CNTN5: variants seen among roughly 807,000 people sequenced by gnomAD.
The protein encoded by CNTN5 is contactin 5.
CNTN5 carries 77 observed loss-of-function variants against 129.1 expected under a neutral mutation model. The observed-to-expected ratio is 0.60, with a 90% CI of 0.50 to 0.72. The LOEUF (loss-of-function observed/expected upper bound fraction) is 0.72, where lower values mean the gene tolerates loss of function less well. Among genes scored for constraint, CNTN5 ranks in the 30% least tolerant of loss-of-function variants. The pLI is 0.00. For missense variants in CNTN5, 1,478 were observed against 1,328.8 expected, an observed-to-expected ratio of 1.11 and a Z score of -1.75; for synonymous variants, 509 against 465.6, an observed-to-expected ratio of 1.09 and a Z score of -1.20.
chr11:99,911,766 C>T (rs1472464885), intron 6 of CNTN5, among the ~76,000 whole-genome samples: 6 of 151,050 alleles, frequency 4.0e-5, no homozygotes, highest in African/African-American at 1.5e-4. Context: ...AAATAACTTT[C>T]TGAGTAGTTT....
intron 3 of CNTN5, among the ~76,000 whole-genome samples, chr11:99,640,539 G>A (rs979369630): frequency 2.6e-5 from 4 of 152,118 alleles, no homozygotes; most frequent in African/African-American, 9.7e-5. Context: ...TGGGAATTCT[G>A]GGAGATAAAA....
At chr11:99,755,353 A>G (rs565884746) in intron 3 of CNTN5, among the ~76,000 whole-genome samples, 2 of 152,310 alleles carry the variant, frequency 1.3e-5, no homozygotes, top group African/African-American at 4.8e-5. Context: ...AACGAATGAA[A>G]TAATTCCTGT....
rs533100383 is a variant in CNTN5 at position 99,244,408 on chromosome 11, C to A, written c.-209-80938C>A. The stretch of plus-strand genomic sequence containing the variant: ...TCCTTTATTTTATTCATTGGTGTAA[C>A]CCCAGAGCCTACCTCATTCCTTGTA... On this transcript the variant is annotated intron_variant, in intron 1 of 24. Transcript: ENST00000524871. Among the ~76,000 whole-genome samples, 5 of 152,156 alleles carry A rather than the reference C, an allele frequency of 3.3e-5. No individual in the cohort carries two copies. The South Asian group carries it at 8.3e-4, about 25-fold the overall frequency.
rs1382898562 is a variant in CNTN5 at position 100,024,604 on chromosome 11, A to G, written c.980+22468A>G. On this transcript the variant is annotated intron_variant, in intron 9 of 24. Coordinates refer to ENST00000524871, the MANE Select transcript of CNTN5 (RefSeq NM_014361.4). ...CTTTGACGAAAATGCTGATAGTGAT[A>G]TGGACGATGAAGTCCAGGCTGAGGT... 2.0e-5 allele frequency among the ~76,000 whole-genome samples: 3 copies of G among 152,186 alleles called. 1 individual carries two copies. Among genetic ancestry groups the G allele is most frequent in the Admixed American group, 1.3e-4 (2 of 15,282 alleles).
At chr11:99,699,931 C>A (rs1407369421) in intron 3 of CNTN5, among the ~76,000 whole-genome samples, 1 of 151,362 alleles carries the variant, frequency 6.6e-6, no homozygotes, top group Non-Finnish European at 1.5e-5. Flanking sequence ...CCACTGAGAG[C>A]ACTTTGCAAA....
At chr11:100,212,701 C>T (rs1158450091) in intron 15 of CNTN5, among the ~76,000 whole-genome samples, 1 of 152,002 alleles carries the variant, frequency 6.6e-6, no homozygotes, top group African/African-American at 2.4e-5. Flanking sequence ...TTCCTAATGA[C>T]TTTATCTAGT....
chr11:100,022,735 G>T (rs959136474), intron 9 of CNTN5, among the ~76,000 whole-genome samples: 1 of 151,992 alleles, frequency 6.6e-6, no homozygotes, highest in Non-Finnish European at 1.5e-5. Context: ...TTCAACTTTT[G>T]TATGCCTAAG....
At chr11:100,287,707 C>A (rs1262076479) in intron 18 of CNTN5, among the ~76,000 whole-genome samples, 1 of 151,972 alleles carries the variant, frequency 6.6e-6, no homozygotes, top group Admixed American at 6.6e-5. Context: ...AACTAATGAG[C>A]AAAATAACCA....
chr11:99,967,036 T>A (rs1475249680), intron 8 of CNTN5, among the ~76,000 whole-genome samples: 4 of 152,142 alleles, frequency 2.6e-5, no homozygotes, highest in Non-Finnish European at 5.9e-5. Flanking sequence ...AAGAGAATGC[T>A]TCCTGGAAGA....
At chr11:99,370,580 C>T (rs746618074) in intron 2 of CNTN5, among the ~76,000 whole-genome samples, 2 of 152,080 alleles carry the variant, frequency 1.3e-5, no homozygotes, top group Admixed American at 1.3e-4. Context: ...CTTTGAAGTT[C>T]TTTGTCTTTG....
intron 13 of CNTN5, among the ~76,000 whole-genome samples, chr11:100,183,348 AC>A (rs1277905288): frequency 6.6e-6 from 1 of 152,152 alleles, no homozygotes; most frequent in Non-Finnish European, 1.5e-5. Context: ...AGCAACCCAA[AC>A]ATCCATCAAC....
chr11:99,798,211 T>C (rs1034602563), intron 3 of CNTN5, among the ~76,000 whole-genome samples: 1 of 151,808 alleles, frequency 6.6e-6, no homozygotes, highest in Non-Finnish European at 1.5e-5. Context: ...GATGCGGCAT[T>C]TGGTTTTCTG....
At chr11:99,757,371 GAGCTCTTTCTGTGT>G (rs1944438483) in intron 3 of CNTN5, among the ~76,000 whole-genome samples, 1 of 151,080 alleles carries the variant, frequency 6.6e-6, no homozygotes, top group African/African-American at 2.4e-5. Flanking sequence ...TCTTCACATG[GAGCTCTTTCTGTGT>G]AGCTCTGTTT....
At chr11:99,332,189 CT>C (rs1866028370) in intron 2 of CNTN5, among the ~76,000 whole-genome samples, 1 of 152,012 alleles carries the variant, frequency 6.6e-6, no homozygotes, top group South Asian at 2.1e-4. Flanking sequence ...TTTTACTTTC[CT>C]TCACTAATTT....
intron 18 of CNTN5, among the ~76,000 whole-genome samples, chr11:100,281,774 C>CT (rs1456688783): frequency 1.3e-5 from 2 of 151,900 alleles, no homozygotes; most frequent in South Asian, 2.1e-4. Flanking sequence ...CTTCATTATT[C>CT]TTTTTTCTTT....
chr11:99,250,077 A>G (rs1242891860), intron 1 of CNTN5, among the ~76,000 whole-genome samples: 1 of 151,966 alleles, frequency 6.6e-6, no homozygotes, highest in Non-Finnish European at 1.5e-5. Context: ...AGACACTTCA[A>G]TAGGTTCTCA....
intron 2 of CNTN5, among the ~76,000 whole-genome samples, chr11:99,358,006 A>AAAT (rs1040843972): frequency 6.1e-5 from 9 of 147,574 alleles, no homozygotes; most frequent in South Asian, 2.2e-4. Context: ...TCTGTCTCAA[A>AAAT]AATAATAATA....
intron 3 of CNTN5, among the ~76,000 whole-genome samples, chr11:99,672,452 C>T (rs1472795576): frequency 6.6e-6 from 1 of 151,714 alleles, no homozygotes; most frequent in Non-Finnish European, 1.5e-5. Flanking sequence ...TTAGCAATCC[C>T]CTTAGAGATT....
intron 13 of CNTN5, among the ~76,000 whole-genome samples, chr11:100,113,297 C>A (rs555059282): frequency 3.3e-5 from 5 of 150,472 alleles, no homozygotes; most frequent in Non-Finnish European, 4.4e-5. Flanking sequence ...CAAAATGTAG[C>A]TAGTAGCTAC....
Sources: gnomAD v4.1 joint callset for allele counts (sites outside exome capture counted in the v4.1 genomes callset) on GRCh38, gnomAD v4.1.1 for gene constraint, MANE v1.5 for transcripts, NCBI Gene and HGNC (gene_info 2026-07-23, HGNC 2026-07-21) for gene names.